SMYD3: variants seen among roughly 807,000 people sequenced by gnomAD.
The protein encoded by SMYD3 is SET and MYND domain containing 3.
In SMYD3, 36 loss-of-function variants were observed where a neutral mutation model predicts 57.7. The ratio of observed to expected loss-of-function variants is 0.62; its 90% confidence interval spans 0.48 to 0.82. The LOEUF is 0.82. Ranked by LOEUF, SMYD3 falls within the 40% of genes least tolerant of loss-of-function variation. The probability of loss-of-function intolerance (pLI) is 0.00; values close to 1 mark genes in which losing one functional copy is unlikely to be tolerated. For missense variants in SMYD3, 515 were observed against 538.8 expected (o/e 0.96, Z 0.44); for synonymous variants, 211 against 195.0 (o/e 1.08, Z -0.68).
chr1:245,950,356 C>CT lies in SMYD3; in HGVS notation c.532-20420dup, dbSNP rs2057584860. ...TAATCTTTCTCCCCCAGTGCAAGACCTGGTTGCAGTGGTCCCTGTACCTAT... is the reference window on the plus strand; with the variant it reads ...TAATCTTTCTCCCCCAGTGCAAGACCTTGGTTGCAGTGGTCCCTGTACCTAT... On this transcript the variant is annotated intron_variant, in intron 5 of 11. Transcript: ENST00000490107. 2.0e-5 allele frequency among the ~76,000 whole-genome samples: 3 copies of CT among 152,302 alleles called. No homozygotes were observed. The South Asian group carries it at 6.2e-4, about 32-fold the overall frequency.
chr1:246,178,405 G>A (rs888107148), intron 5 of SMYD3, among the ~76,000 whole-genome samples: 11 of 152,136 alleles, frequency 7.2e-5, no homozygotes, highest in Admixed American at 6.5e-5. Context: ...CTCCTAGACC[G>A]GGAGTCATTT....
At chr1:246,267,134 T>A (rs1314611087) in intron 5 of SMYD3, among the ~76,000 whole-genome samples, 1 of 152,172 alleles carries the variant, frequency 6.6e-6, no homozygotes, top group Non-Finnish European at 1.5e-5. Flanking sequence ...TAATTAAAGA[T>A]GGAATAGAGC....
intron 5 of SMYD3, among the ~76,000 whole-genome samples, chr1:245,991,298 G>A (rs1040580249): frequency 1.3e-5 from 2 of 152,136 alleles, no homozygotes; most frequent in African/African-American, 4.8e-5. Context: ...GTTCATTAAT[G>A]GTAAAATAGG....
At chr1:245,756,288 A>G (rs1572250331) in intron 11 of SMYD3, among the ~76,000 whole-genome samples, 1 of 150,070 alleles carries the variant, frequency 6.7e-6, no homozygotes, top group Admixed American at 6.7e-5. Context: ...ACCCTCCCCC[A>G]CTCCCCCATT....
At chr1:245,990,455 A>G (rs2058791478) in intron 5 of SMYD3, among the ~76,000 whole-genome samples, 1 of 152,214 alleles carries the variant, frequency 6.6e-6, no homozygotes, top group Non-Finnish European at 1.5e-5. Flanking sequence ...CCTTTTGGTC[A>G]CACAGCTATC....
chr1:246,414,825 C>T (rs2067034687), intron 1 of SMYD3, among the ~76,000 whole-genome samples: 1 of 146,562 alleles, frequency 6.8e-6, no homozygotes, highest in Non-Finnish European at 1.5e-5. Flanking sequence ...TCAAGTGATT[C>T]TCCTGCCTCA....
intron 5 of SMYD3, among the ~76,000 whole-genome samples, chr1:245,970,397 A>G (rs1269426163): frequency 1.3e-5 from 2 of 152,186 alleles, no homozygotes; most frequent in Non-Finnish European, 1.5e-5. Flanking sequence ...GGACATAGGC[A>G]TGGGCAAGGA....
chr1:246,432,819 GA>G (rs1368738447), intron 1 of SMYD3, among the ~76,000 whole-genome samples: 1 of 152,110 alleles, frequency 6.6e-6, no homozygotes, highest in Non-Finnish European at 1.5e-5. Flanking sequence ...TTCAGTGTTT[GA>G]ATTATCATGA....
In SMYD3 at chr1:246,327,209, A is replaced by C; in HGVS notation, c.523T>G (p.Phe175Val). 1 of 1,614,092 alleles carries C rather than the reference A, an allele frequency of 6.2e-7. No homozygotes were observed. The highest frequency in any genetic ancestry group is 1.3e-5 in the African/African-American group (1 of 75,064). ...LPPAFDLFEA[F>V]AKVICNSFTI... ...GCAAACTTAACACTTACTTTTGCAA[A>C]GGCTTCAAAAAGGTCAAAGGCAGGT... Residue 175 changes from phenylalanine to valine, a missense_variant, in exon 5 of 12, where the codon TTT becomes GTT. Physicochemically the swap from Phe to Val is conservative, Grantham distance 50. Transcript: ENST00000490107.
At chr1:246,361,758 G>A (rs2065990934) in intron 1 of SMYD3, among the ~76,000 whole-genome samples, 2 of 152,290 alleles carry the variant, frequency 1.3e-5, no homozygotes, top group Admixed American at 6.5e-5. Context: ...GGATGCAAAG[G>A]CATAGGAATG....
intron 10 of SMYD3, among the ~76,000 whole-genome samples, chr1:245,792,817 C>G (rs528898150): frequency 1.4e-4 from 22 of 152,240 alleles, no homozygotes; most frequent in African/African-American, 5.3e-4. Flanking sequence ...CGTCGAAGTT[C>G]AAAGACAACG....
intron 5 of SMYD3, among the ~76,000 whole-genome samples, chr1:246,101,958 C>T (rs1384090910): frequency 6.6e-6 from 1 of 152,226 alleles, no homozygotes; most frequent in Non-Finnish European, 1.5e-5. Flanking sequence ...GTAAATACCT[C>T]CATTATCCAT....
At chr1:245,869,324 G>C (rs2052045467) in intron 8 of SMYD3, among the ~76,000 whole-genome samples, 1 of 152,216 alleles carries the variant, frequency 6.6e-6, no homozygotes, top group Admixed American at 6.5e-5. Context: ...TGAAGAACCT[G>C]CTGGTTCCAG....
chr1:245,905,813 A>G (rs1367648136), intron 8 of SMYD3, among the ~76,000 whole-genome samples: 1 of 152,214 alleles, frequency 6.6e-6, no homozygotes, highest in Admixed American at 6.5e-5. Flanking sequence ...ACATGGAACA[A>G]TGGAACACAA....
chr1:245,983,208 C>T (rs1235975435), intron 5 of SMYD3, among the ~76,000 whole-genome samples: 1 of 152,176 alleles, frequency 6.6e-6, no homozygotes, highest in Non-Finnish European at 1.5e-5. Flanking sequence ...TATAACTTTT[C>T]AGACTCTTTC....
At chr1:246,197,107 G>C (rs1364374584) in intron 5 of SMYD3, among the ~76,000 whole-genome samples, 1 of 152,160 alleles carries the variant, frequency 6.6e-6, no homozygotes, top group Non-Finnish European at 1.5e-5. Context: ...ACATAAAGTA[G>C]TATTGGATTA....
Position 246,355,523 on chromosome 1 carries a change from C to G in SMYD3, c.165-429G>C, listed in dbSNP as rs1323644333. Among the ~76,000 whole-genome samples the G allele has an allele frequency of 6.6e-6, 1 of 152,172 alleles. No homozygotes were observed. Among genetic ancestry groups the G allele is most frequent in the East Asian group, 1.9e-4 (1 of 5,188 alleles). ...AGATGTGAGCTGCCTGCTTGCTCAG[C>G]AGGGAGGCTGGCGGTCTGGGGCAAG... On this transcript the variant is annotated intron_variant, in intron 1 of 11. Coordinates refer to ENST00000490107, the MANE Select transcript of SMYD3 (RefSeq NM_001167740.2). This position sits in a 1 kb window ranked among gnomAD's most constrained non-coding sequence, Gnocchi z 5.0.
chr1:245,939,568 A>C (rs765454559), intron 5 of SMYD3, among the ~76,000 whole-genome samples: 2 of 152,294 alleles, frequency 1.3e-5, no homozygotes, highest in South Asian at 4.1e-4. Flanking sequence ...CAGAGGTTGC[A>C]GTGAGCCAAG....
intron 8 of SMYD3, among the ~76,000 whole-genome samples, chr1:245,885,633 T>C (rs1312307821): frequency 1.3e-5 from 2 of 152,234 alleles, no homozygotes; most frequent in Non-Finnish European, 2.9e-5. Context: ...TTAGTCTTTC[T>C]TTAAAGTCTT....
Sources: gnomAD v4.1 joint callset for allele counts (sites outside exome capture counted in the v4.1 genomes callset) on GRCh38, gnomAD v4.1.1 for gene constraint, Gnocchi (gnomAD v3.1) non-coding constraint, MANE v1.5 for transcripts, NCBI Gene and HGNC (gene_info 2026-07-23, HGNC 2026-07-21) for gene names.